The following FAM114A1 variants were observed in gnomAD, a reference collection of about 807,000 sequenced individuals.
FAM114A1 encodes the protein protein NOXP20.
A neutral mutation model predicts 64.3 loss-of-function variants in FAM114A1; 62 were observed. That is an observed-to-expected ratio of 0.96 (90% CI 0.79 to 1.19). The LOEUF (loss-of-function observed/expected upper bound fraction) is 1.19. Ranked by LOEUF, FAM114A1 falls within the 50% of genes most tolerant of loss-of-function variation. FAM114A1 has a pLI of 0.00. For synonymous variants in FAM114A1, 254 were observed against 251.1 expected, an observed-to-expected ratio of 1.01 and a Z score of -0.11; for missense variants, 645 against 676.3, an observed-to-expected ratio of 0.95 and a Z score of 0.51.
intron 4 of FAM114A1, among the ~76,000 whole-genome samples, chr4:38,897,596 G>C (rs1447075153): frequency 6.6e-6 from 1 of 152,156 alleles, no homozygotes; most frequent in African/African-American, 2.4e-5. Flanking sequence ...TTGATCACCT[G>C]TCACCCATGC....
intron 13 of FAM114A1, among the ~76,000 whole-genome samples, chr4:38,939,720 C>T (rs1325541928): frequency 6.6e-6 from 1 of 152,084 alleles, no homozygotes; most frequent in African/African-American, 2.4e-5. Context: ...CTTCCAGGTA[C>T]TATAAGAGAA....
At chr4:38,874,302 A>G (rs1357500030) in intron 2 of FAM114A1, among the ~76,000 whole-genome samples, 2 of 152,204 alleles carry the variant, frequency 1.3e-5, no homozygotes, top group African/African-American at 4.8e-5. Flanking sequence ...AGCTGTTGAT[A>G]CTATATATTC....
intron 3 of FAM114A1, among the ~76,000 whole-genome samples, chr4:38,890,401 C>CAA (rs3067630): frequency 0.2 from 25,599 of 126,678 alleles, 2,845 homozygotes; most frequent in East Asian, 0.41. Context: ...GACTCCGTCT[C>CAA]AAAAAAAAAA....
At position 38,914,992 on chromosome 4, in the gene FAM114A1, CT is replaced by C. The variant is rs748291760; in HGVS notation, c.865del (p.Tyr289ThrfsTer32). On this transcript the variant is annotated frameshift_variant, in exon 8 of 15. Transcript: ENST00000358869. LOFTEE classifies it high-confidence loss of function. Reference sequence around the variant, plus strand: ...AGCTCACGATGGAGAGAACCGCGCACTACGGGATGCTGTTTGATGAATATCA... The same window carrying C: ...AGCTCACGATGGAGAGAACCGCGCACACGGGATGCTGTTTGATGAATATCA... The part of the protein sequence containing the change: ...QQLTMERTAH[Y>X]GMLFDEYQGL... 1.9e-6 allele frequency: 3 copies of C among 1,614,166 alleles called. No individual in the cohort carries two copies. The highest frequency in any genetic ancestry group is 2.5e-6 in the Non-Finnish European group (3 of 1,180,030).
At chr4:38,943,368 T>C in intron 14 of FAM114A1, 88 bp from the exon 15 acceptor site, 1 of 1,136,656 alleles carries the variant, frequency 8.8e-7, no homozygotes, top group Non-Finnish European at 1.3e-6. Flanking sequence ...GGGGGTGGGT[T>C]GAAGAGTGGG....
chr4:38,902,325 A>G (rs1190540581), intron 4 of FAM114A1, among the ~76,000 whole-genome samples: 1 of 152,208 alleles, frequency 6.6e-6, no homozygotes, highest in Admixed American at 6.5e-5. Flanking sequence ...TGCTCAATAA[A>G]TGTCGGCCAT....
At chr4:38,878,535 T>A in intron 3 of FAM114A1, 109 bp downstream of exon 3, 1 of 823,202 alleles carries the variant, frequency 1.2e-6, no homozygotes, top group Non-Finnish European at 1.9e-6. Flanking sequence ...CAAAATGTAC[T>A]GTGACATCCC....
intron 8 of FAM114A1, among the ~76,000 whole-genome samples, chr4:38,920,954 G>A (rs1347206322): frequency 6.6e-6 from 1 of 152,234 alleles, no homozygotes; most frequent in Admixed American, 6.5e-5. Flanking sequence ...AGTGCTGGCT[G>A]CATTATGCCC....
At chr4:38,922,955 T>C (rs1247950099) in intron 9 of FAM114A1, 62 bp downstream of exon 9, 1 of 1,535,132 alleles carries the variant, frequency 6.5e-7, no homozygotes, top group Admixed American at 2.0e-5. Flanking sequence ...GAAACTGCTG[T>C]TAATGAACAC....
At chr4:38,908,555 C>T in intron 6 of FAM114A1, 37 bp from the exon 7 acceptor site, 1 of 1,542,870 alleles carries the variant, frequency 6.5e-7, no homozygotes, top group African/African-American at 1.4e-5. Flanking sequence ...ACAGCAAAAC[C>T]TAAACATCTA....
chr4:38,894,725 A>G (rs1248456628), intron 4 of FAM114A1, among the ~76,000 whole-genome samples: 1 of 152,206 alleles, frequency 6.6e-6, no homozygotes, highest in Non-Finnish European at 1.5e-5. Flanking sequence ...CTGAGAGTGT[A>G]TGACATTTGC....
At chr4:38,893,900 C>A (rs148706509) in intron 4 of FAM114A1, among the ~76,000 whole-genome samples, 1 of 152,024 alleles carries the variant, frequency 6.6e-6, no homozygotes, top group Non-Finnish European at 1.5e-5. Context: ...TGGTGGCTCA[C>A]GCCTGTAATC....
At chr4:38,925,239 C>T (rs17429556) in intron 9 of FAM114A1, among the ~76,000 whole-genome samples, 15,204 of 152,260 alleles carry the variant, frequency 0.1, 1,076 homozygotes, top group Non-Finnish European at 0.16. Flanking sequence ...GAGGGCATCT[C>T]CAGATTTTCA....
intron 4 of FAM114A1, among the ~76,000 whole-genome samples, chr4:38,899,368 T>C (rs1159502512): frequency 6.6e-6 from 1 of 152,120 alleles, no homozygotes; most frequent in Non-Finnish European, 1.5e-5. Flanking sequence ...AGCTCCCTCA[T>C]TGACCAGTCA....
chr4:38,897,455 A>G (rs1159302241), intron 4 of FAM114A1, among the ~76,000 whole-genome samples: 1 of 152,202 alleles, frequency 6.6e-6, no homozygotes, highest in African/African-American at 2.4e-5. Flanking sequence ...GTTAAGGGAA[A>G]ATGAGAAAAA....
At chr4:38,918,098 C>T (rs973400494) in intron 8 of FAM114A1, among the ~76,000 whole-genome samples, 3 of 151,888 alleles carry the variant, frequency 2.0e-5, no homozygotes, top group Non-Finnish European at 4.4e-5. Context: ...GTGACGCATG[C>T]CTTTAATCCC....
rs369484614 is a variant in FAM114A1, at chr4:38,918,220, G to A, written c.945+3147G>A. Among the ~76,000 whole-genome samples, 29 of 152,168 alleles carry A rather than the reference G, an allele frequency of 1.9e-4. No individual in the cohort carries two copies. The East Asian group carries it at 2.3e-3, about 12-fold the overall frequency. ...GCCTGGGCAGCAAGAGCGAAACTCC[G>A]TCTCAAAAAACATAATAAATAAATA... On this transcript the variant is annotated intron_variant, in intron 8 of 14. Transcript: ENST00000358869.
At chr4:38,927,110 T>C (rs1182754320) in intron 9 of FAM114A1, among the ~76,000 whole-genome samples, 1 of 152,204 alleles carries the variant, frequency 6.6e-6, no homozygotes, top group African/African-American at 2.4e-5. Flanking sequence ...CTACTCTTGC[T>C]ACACTGCAGC....
intron 12 of FAM114A1, among the ~76,000 whole-genome samples, chr4:38,934,042 C>T (rs535980164): frequency 1.3e-5 from 2 of 152,248 alleles, no homozygotes; most frequent in East Asian, 3.9e-4. Flanking sequence ...AGAATCCCCA[C>T]CTTAATATTC....
Sources: gnomAD v4.1 joint callset for allele counts (sites outside exome capture counted in the v4.1 genomes callset) on GRCh38, gnomAD v4.1.1 for gene constraint, MANE v1.5 for transcripts, NCBI Gene and HGNC (gene_info 2026-07-23, HGNC 2026-07-21) for gene names.